NAV2: variants seen among roughly 807,000 people sequenced by gnomAD.
The protein encoded by NAV2 is neuron navigator 2, also known as helicase, APC down-regulated 1.
NAV2 carries 54 observed loss-of-function variants against 223.2 expected under a neutral mutation model. The observed-to-expected ratio is 0.24, with a 90% confidence interval of 0.19 to 0.30. The LOEUF is 0.30. Among genes scored for constraint, NAV2 ranks in the 10% least tolerant of loss-of-function variants. The pLI, the probability that NAV2 is intolerant of heterozygous loss-of-function variation, is 1.00. For missense variants in NAV2, 2,806 were observed against 3,147.5 expected (o/e 0.89, Z 2.60); for synonymous variants, 1,279 against 1,239.3 (o/e 1.03, Z -0.67).
At chr11:19,845,423 G>A (rs2060747068) in intron 3 of NAV2, among the ~76,000 whole-genome samples, 1 of 152,172 alleles carries the variant, frequency 6.6e-6, no homozygotes, top group South Asian at 2.1e-4. Context: ...AGTGTATCCT[G>A]TTAGGAGGGT....
At chr11:19,401,257 C>T (rs1359140561) in intron 1 of NAV2, among the ~76,000 whole-genome samples, 2 of 152,170 alleles carry the variant, frequency 1.3e-5, no homozygotes, top group African/African-American at 4.8e-5. Flanking sequence ...CATTGAATGA[C>T]CAAATTTCTT....
intron 10 of NAV2, among the ~76,000 whole-genome samples, chr11:19,975,672 C>T (rs549398159): frequency 6.6e-6 from 1 of 152,328 alleles, no homozygotes; most frequent in Non-Finnish European, 1.5e-5. Flanking sequence ...TGTGCTAAAA[C>T]TCAGGGTAAC....
intron 6 of NAV2, among the ~76,000 whole-genome samples, chr11:19,910,307 G>A (rs1310813386): frequency 2.6e-5 from 4 of 152,092 alleles, no homozygotes; most frequent in East Asian, 1.9e-4. Context: ...CCTCTTTTAT[G>A]TTAAATGCTG....
chr11:20,034,757 G>A (rs559075354), intron 11 of NAV2, among the ~76,000 whole-genome samples: 15 of 152,316 alleles, frequency 9.8e-5, no homozygotes, highest in African/African-American at 3.6e-4. Flanking sequence ...AAATGCAACA[G>A]GGTGACGTGA....
intron 1 of NAV2, among the ~76,000 whole-genome samples, chr11:19,635,775 C>T (rs369639818): frequency 2.0e-5 from 3 of 152,216 alleles, no homozygotes; most frequent in African/African-American, 7.2e-5. Flanking sequence ...GACCCAAACA[C>T]CTCCCACTAG....
At chr11:19,612,596 C>T (rs1233992284) in intron 1 of NAV2, among the ~76,000 whole-genome samples, 1 of 152,192 alleles carries the variant, frequency 6.6e-6, no homozygotes, top group African/African-American at 2.4e-5. Context: ...AAAATGCCAC[C>T]AGCCTCTTTA....
At chr11:19,420,550 G>A (rs1288767586) in intron 1 of NAV2, among the ~76,000 whole-genome samples, 4 of 152,198 alleles carry the variant, frequency 2.6e-5, no homozygotes, top group Non-Finnish European at 5.9e-5. Context: ...TGTTTATACA[G>A]TGGACTACTA....
intron 9 of NAV2, 52 bp downstream of exon 9, chr11:19,946,561 C>A (rs749156347): frequency 6.7e-7 from 1 of 1,494,108 alleles, no homozygotes; most frequent in South Asian, 1.2e-5. Flanking sequence ...CTAATTTTCT[C>A]CTGTGTTTGT....
At chr11:20,082,931 G>A (rs552428912) in intron 25 of NAV2, 76 bp from the exon 26 acceptor site, 1 of 1,352,312 alleles carries the variant, frequency 7.4e-7, no homozygotes, top group East Asian at 2.4e-5. Context: ...TCGCTTTTTT[G>A]TGTGCATGTC....
Position 20,103,471 on chromosome 11 carries a change from CTG to C in NAV2, c.6572+65_6572+66del, listed in dbSNP as rs1034115804. The C allele has an allele frequency of 1.9e-6, 3 of 1,577,784 alleles. No individual in the cohort carries two copies. The African/African-American group carries it at 4.0e-5, about 21-fold the overall frequency. On this transcript the variant is annotated intron_variant, in intron 33 of 37. Transcript: ENST00000349880. The stretch of plus-strand genomic sequence containing the variant: ...GAGAGTGCTGCCAGCTGATGGGGCA[CTG>C]TGCACACAGGTGGCCCGGGGCCGTT...
intron 1 of NAV2, among the ~76,000 whole-genome samples, chr11:19,561,300 C>T (rs1054446704): frequency 2.0e-5 from 3 of 152,152 alleles, no homozygotes; most frequent in East Asian, 1.9e-4. Context: ...CTGGGTGCAG[C>T]GTCTCCTAAC....
At chr11:19,691,614 C>G (rs148621582) in intron 1 of NAV2, among the ~76,000 whole-genome samples, 1 of 152,260 alleles carries the variant, frequency 6.6e-6, no homozygotes, top group Non-Finnish European at 1.5e-5. Context: ...GTGGCCCAGG[C>G]TGGAGTGCAG....
chr11:19,568,802 T>A (rs970443468), intron 1 of NAV2, among the ~76,000 whole-genome samples: 2 of 152,214 alleles, frequency 1.3e-5, no homozygotes, highest in African/African-American at 4.8e-5. Context: ...GGCCACACTC[T>A]GAGAATGCAA....
intron 1 of NAV2, among the ~76,000 whole-genome samples, chr11:19,478,412 C>T (rs117224754): frequency 0.021 from 3,185 of 152,030 alleles, 47 homozygotes; most frequent in Middle Eastern, 0.034. Context: ...TGGCAGGAGA[C>T]GATATCAAAG....
At chr11:19,836,569 A>G (rs1216181740) in intron 2 of NAV2, among the ~76,000 whole-genome samples, 1 of 147,896 alleles carries the variant, frequency 6.8e-6, no homozygotes, top group Non-Finnish European at 1.5e-5. Context: ...GTCTCAAAAA[A>G]AAAAAAAAAA....
chr11:19,381,581 C>T (rs1311556406), intron 1 of NAV2, among the ~76,000 whole-genome samples: 2 of 152,012 alleles, frequency 1.3e-5, no homozygotes, highest in African/African-American at 2.4e-5. Flanking sequence ...AGCTTGCTGC[C>T]CAGGGAAGAG....
chr11:19,649,730 T>A (rs545759088), intron 1 of NAV2, among the ~76,000 whole-genome samples: 33 of 152,298 alleles, frequency 2.2e-4, no homozygotes, highest in Admixed American at 2.0e-3. Context: ...CAGTCTATCA[T>A]AAACACATAA....
chr11:19,380,817 C>T (rs918329318), intron 1 of NAV2, among the ~76,000 whole-genome samples: 2 of 152,204 alleles, frequency 1.3e-5, no homozygotes, highest in South Asian at 4.1e-4. Flanking sequence ...TGTAAAGTGG[C>T]CAACTGTCCT....
intron 1 of NAV2, among the ~76,000 whole-genome samples, chr11:19,375,719 A>C (rs1457834793): frequency 6.6e-6 from 1 of 152,178 alleles, no homozygotes; most frequent in East Asian, 1.9e-4. Flanking sequence ...GTCCCGTCAC[A>C]CTACCTAATA....
Sources: gnomAD v4.1 joint callset for allele counts (sites outside exome capture counted in the v4.1 genomes callset) on GRCh38, gnomAD v4.1.1 for gene constraint, MANE v1.5 for transcripts, NCBI Gene and HGNC (gene_info 2026-07-23, HGNC 2026-07-21) for gene names.